Variants in PDZK1 observed in about 807,000 individuals in gnomAD.
PDZK1 encodes the protein PDZ domain containing 1, also known as Na(+)/H(+) exchange regulatory cofactor NHE-RF3.
PDZK1 carries 23 observed loss-of-function variants against 38.1 expected under a neutral mutation model. The ratio of observed to expected loss-of-function variants is 0.60; its 90% CI spans 0.43 to 0.85. The LOEUF is 0.85. Ranked by LOEUF, PDZK1 falls within the 40% of genes least tolerant of loss-of-function variation. The probability of loss-of-function intolerance (pLI) is 0.00; values close to 1 mark genes in which losing one functional copy is unlikely to be tolerated. For missense variants in PDZK1, 297 were observed against 504.3 expected (o/e 0.59, Z 3.94); for synonymous variants, 98 against 186.2 (o/e 0.53, Z 3.86).
intron 1 of PDZK1, among the ~76,000 whole-genome samples, chr1:145,695,797 C>G (rs1655596403): frequency 6.6e-6 from 1 of 152,126 alleles, no homozygotes; most frequent in Admixed American, 6.5e-5. Context: ...CACATAGCAG[C>G]CATCAGAATA....
At chr1:145,695,094 C>A (rs1655549846) in intron 1 of PDZK1, among the ~76,000 whole-genome samples, 1 of 151,548 alleles carries the variant, frequency 6.6e-6, no homozygotes, top group South Asian at 2.1e-4. Flanking sequence ...TTTTAGACAC[C>A]AATCAGTGTG....
intron 1 of PDZK1, among the ~76,000 whole-genome samples, chr1:145,688,993 A>C (rs1655027705): frequency 6.6e-6 from 1 of 152,138 alleles, no homozygotes; most frequent in Non-Finnish European, 1.5e-5. Context: ...GAGCTGGTCC[A>C]ATATGTTGGA....
chr1:145,680,652 T>C (rs1571591556), intron 5 of PDZK1, among the ~76,000 whole-genome samples: 2 of 149,590 alleles, frequency 1.3e-5, no homozygotes, highest in African/African-American at 4.9e-5. Flanking sequence ...AATTTGGATT[T>C]CCCCCCACCC....
At chr1:145,676,092 A>C (rs1653634554) in intron 6 of PDZK1, 1 of 251,982 alleles carries the variant, frequency 4.0e-6, no homozygotes, top group African/African-American at 2.3e-5. Context: ...GGACTGCTAG[A>C]GGGTTGTGTT....
intron 4 of PDZK1, among the ~76,000 whole-genome samples, chr1:145,681,737 G>A (rs1341956000): frequency 8.4e-6 from 1 of 118,350 alleles, no homozygotes. Context: ...AGAAAAGAAA[G>A]TAAGGGTCCA....
intron 1 of PDZK1, among the ~76,000 whole-genome samples, chr1:145,693,523 C>T (rs947938457): frequency 6.7e-6 from 1 of 149,844 alleles, no homozygotes; most frequent in Non-Finnish European, 1.5e-5. Flanking sequence ...AATCTCAGCA[C>T]TTTGGGAGGC....
chr1:145,679,398 T>G (rs1379562170), intron 5 of PDZK1, among the ~76,000 whole-genome samples: 1 of 152,166 alleles, frequency 6.6e-6, no homozygotes, highest in Non-Finnish European at 1.5e-5. Flanking sequence ...TCCCCATATC[T>G]AGACGATTGC....
intron 1 of PDZK1, among the ~76,000 whole-genome samples, chr1:145,695,433 G>GGA (rs1177821600): frequency 4.8e-4 from 72 of 150,594 alleles, no homozygotes; most frequent in Middle Eastern, 3.4e-3. Flanking sequence ...GAGAGAAAGA[G>GGA]GAGAGAGAGA....
At chr1:145,698,510 A>C (rs1655763682) in intron 1 of PDZK1, among the ~76,000 whole-genome samples, 1 of 151,996 alleles carries the variant, frequency 6.6e-6, no homozygotes. Context: ...TTAGGTTAAA[A>C]TATATATATA....
intron 1 of PDZK1, among the ~76,000 whole-genome samples, chr1:145,689,508 T>A (rs1055390958): frequency 1.1e-4 from 17 of 152,118 alleles, no homozygotes; most frequent in African/African-American, 4.1e-4. Flanking sequence ...CAGTTATTAT[T>A]AAGGGTAAGA....
chr1:145,703,243 G>T (rs183401906), intron 1 of PDZK1, among the ~76,000 whole-genome samples: 9 of 152,270 alleles, frequency 5.9e-5, no homozygotes, highest in African/African-American at 1.9e-4. Context: ...TGCGAGGCAG[G>T]TATCAGGGCT....
Position 145,672,828 on chromosome 1 carries a change from T to C in PDZK1, c.1408A>G (p.Ile470Val). The C allele has an allele frequency of 6.2e-7, 1 of 1,611,372 alleles. No homozygotes were observed. ...AGTGGATCAGCCAGGGAGGAAACAA[T>C]AGGGATTTTCTTAGCTTGGAAATAA... ...YDYFQAKKIP[I>V]VSSLADPLDT... is the part of the protein sequence containing the mutation. Residue 470 changes from isoleucine (I) to valine (V), a missense_variant, in exon 8 of 9, where the codon ATT becomes GTT. Around this residue, in one of 5 missense-constraint regions of PDZK1, gnomAD observed 54 missense variants for 72.1 expected, o/e 0.75. Coordinates refer to ENST00000417171, the MANE Select transcript of PDZK1 (RefSeq NM_001201325.2).
At chr1:145,674,133 C>A (rs1260970570) in intron 6 of PDZK1, 6 of 970,542 alleles carry the variant, frequency 6.2e-6, no homozygotes, top group Admixed American at 6.2e-5. Context: ...GTATAGGATG[C>A]GGTACAAGGA....
chr1:145,686,108 T>C (rs1271124967), intron 3 of PDZK1, among the ~76,000 whole-genome samples: 1 of 152,190 alleles, frequency 6.6e-6, no homozygotes, highest in Non-Finnish European at 1.5e-5. Context: ...GAATCTCATT[T>C]TTCTTGCCTT....
intron 3 of PDZK1, among the ~76,000 whole-genome samples, chr1:145,683,681 A>G (rs1553700877): frequency 1.3e-5 from 2 of 152,144 alleles, no homozygotes; most frequent in Non-Finnish European, 2.9e-5. Context: ...CGAACCCTAT[A>G]TGTTTTTTCC....
chr1:145,674,376 T>C, intron 6 of PDZK1: 1 of 535,498 alleles, frequency 1.9e-6, no homozygotes, highest in South Asian at 8.2e-5. Context: ...GATAGTTAAT[T>C]TTAGATGCCA....
chr1:145,671,414 C>T lies in PDZK1; in HGVS notation c.*22G>A. On this transcript the variant is annotated 3_prime_UTR_variant, in exon 9 of 9. Transcript: ENST00000417171. ...CCAGAAACAGCTATCAAATAAACAG[C>T]CAAAGCTATTACTTGTTTTCATCAC... 2 of 1,598,440 alleles carry T rather than the reference C, an allele frequency of 1.3e-6. No individual in the cohort carries two copies. The highest frequency in any genetic ancestry group is 1.3e-5 in the African/African-American group (1 of 74,636).
chr1:145,690,064 C>G (rs1655115673), intron 1 of PDZK1, among the ~76,000 whole-genome samples: 2 of 152,178 alleles, frequency 1.3e-5, no homozygotes. Context: ...TGGTCAACAC[C>G]AGCACCTTGG....
intron 1 of PDZK1, among the ~76,000 whole-genome samples, chr1:145,707,092 G>A (rs1225339517): frequency 1.3e-5 from 2 of 152,064 alleles, no homozygotes; most frequent in African/African-American, 4.8e-5. Flanking sequence ...GCAGACCCTA[G>A]CCTACAAAGG....
Sources: allele counts gnomAD v4.1 joint callset (sites outside exome capture counted in the v4.1 genomes callset), GRCh38; gene constraint gnomAD v4.1.1; regional missense constraint gnomAD v4.1.1; transcripts MANE v1.5; gene names NCBI Gene and HGNC (gene_info 2026-07-23, HGNC 2026-07-21).